Variants in EDEM3 observed in about 807,000 individuals in gnomAD.
EDEM3 encodes the protein ER degradation enhancing alpha-mannosidase like protein 3, also known as ER degradation-enhancing alpha-mannosidase-like protein 3.
Under a neutral mutation model 110.2 loss-of-function variants are expected in EDEM3, and 60 were observed. The ratio of observed to expected loss-of-function variants is 0.54; its 90% CI spans 0.44 to 0.67. EDEM3 has a LOEUF of 0.67. Among genes scored for constraint, EDEM3 ranks in the 30% least tolerant of loss-of-function variants. EDEM3 has a pLI of 0.00. For missense variants in EDEM3, 996 were observed against 1,121.0 expected (o/e 0.89, Z 1.59); for synonymous variants, 352 against 382.9 (o/e 0.92, Z 0.94).
chr1:184,707,278 A>C (rs918285757), intron 17 of EDEM3, among the ~76,000 whole-genome samples: 2 of 152,206 alleles, frequency 1.3e-5, no homozygotes, highest in African/African-American at 4.8e-5. Context: ...GACTTAGTCT[A>C]TATGAATCTG....
In EDEM3 at chr1:184,717,545, A is replaced by G. The variant is rs987167474; in HGVS notation, c.1240T>C (p.Tyr414His). 13 of 1,605,364 alleles carry G rather than the reference A, an allele frequency of 8.1e-6. No individual in the cohort carries two copies. Among genetic ancestry groups the G allele is most frequent in the Middle Eastern group, 3.6e-4 (2 of 5,620 alleles). The change falls in exon 12 of 20, where the codon TAT (tyrosine) becomes CAT (histidine). Residue 414 changes from tyrosine to histidine, a missense_variant. Around this residue, in one of 5 missense-constraint regions of EDEM3, gnomAD observed 310 missense variants for 394.6 expected, o/e 0.79. Coordinates refer to ENST00000318130, the MANE Select transcript of EDEM3 (RefSeq NM_025191.4). ...PEFAESTYFLYKATGDPYYLE... is the reference protein window; with the variant it reads ...PEFAESTYFLHKATGDPYYLE... ...AATGGGGTATATTTTCTTACTTTAT[A>G]TAAGAAGTAGGTACTTTCTGCAAAT...
intron 6 of EDEM3, among the ~76,000 whole-genome samples, chr1:184,729,562 T>C (rs1026779463): frequency 6.6e-6 from 1 of 152,176 alleles, no homozygotes; most frequent in East Asian, 1.9e-4. Context: ...TACAATACCA[T>C]TTCTGTACAG....
intron 19 of EDEM3, among the ~76,000 whole-genome samples, 172 bp downstream of exon 19, chr1:184,702,638 GT>G: frequency 6.6e-6 from 1 of 151,964 alleles, no homozygotes; most frequent in Admixed American, 6.6e-5. Flanking sequence ...CAAAATAAAT[GT>G]TTTATTATTC....
chr1:184,726,328 C>T lies in EDEM3; in HGVS notation c.674G>A (p.Cys225Tyr). 1 of 1,613,892 alleles carries T rather than the reference C, an allele frequency of 6.2e-7. No homozygotes were observed. The highest frequency in any genetic ancestry group is 8.5e-7 in the Non-Finnish European group (1 of 1,179,882). The change falls in exon 7 of 20, where the codon TGT becomes TAT. Residue 225 changes from cysteine (C) to tyrosine (Y), a missense_variant. Around this residue, in one of 5 missense-constraint regions of EDEM3, gnomAD observed 310 missense variants for 394.6 expected, o/e 0.79. Coordinates refer to ENST00000318130, the MANE Select transcript of EDEM3 (RefSeq NM_025191.4). ...GATCAAGGTACCTGCACAAGCTGTA[C>T]AGGTATCTGTCTCAGTTCCTGTCCG... ...EARTGTETDTCTACAGTLILE... is the reference protein window; with the variant it reads ...EARTGTETDTYTACAGTLILE...
At chr1:184,700,952 T>C (rs1204886374) in intron 19 of EDEM3, among the ~76,000 whole-genome samples, 5 of 151,948 alleles carry the variant, frequency 3.3e-5, no homozygotes, top group Non-Finnish European at 7.4e-5. Context: ...TCTATAACAA[T>C]CACAGTTCAA....
chr1:184,700,407 T>C (rs1262369630), intron 19 of EDEM3, among the ~76,000 whole-genome samples: 10 of 152,134 alleles, frequency 6.6e-5, no homozygotes, highest in African/African-American at 2.2e-4. Context: ...TTTAAGGATG[T>C]TGTTACTTAG....
chr1:184,723,883 A>AG (rs1430813607), intron 7 of EDEM3, 27 bp from the exon 8 acceptor site: 34 of 1,489,504 alleles, frequency 2.3e-5, no homozygotes, highest in East Asian at 4.7e-5. Flanking sequence ...AAAAAAAAAA[A>AG]AAGAAGTGCA....
At chr1:184,701,911 A>C (rs1017196861) in intron 19 of EDEM3, among the ~76,000 whole-genome samples, 3 of 152,072 alleles carry the variant, frequency 2.0e-5, no homozygotes, top group African/African-American at 7.2e-5. Context: ...TTTTTTTTTA[A>C]ATGTCCCACT....
rs771505461 is a variant in EDEM3 at position 184,737,593 on chromosome 1, C to T, written c.305+18G>A. The T allele has an allele frequency of 2.5e-6, 4 of 1,611,616 alleles. No individual in the cohort carries two copies. The highest frequency in any genetic ancestry group is 2.7e-5 in the African/African-American group (2 of 74,858). On this transcript the variant is annotated intron_variant, in intron 3 of 19. Transcript: ENST00000318130. The stretch of plus-strand genomic sequence containing the variant: ...GGGAACTCTGAGATGCCATGCCATG[C>T]CCTGTGTTAATACTCACTTTCCCAA...
intron 7 of EDEM3, 66 bp downstream of exon 7, chr1:184,726,189 C>G: frequency 6.6e-7 from 1 of 1,525,546 alleles, no homozygotes; most frequent in African/African-American, 1.4e-5. Context: ...AATATTTAAC[C>G]AATGAAGAAG....
chr1:184,739,304 C>CTT lies in EDEM3; in HGVS notation c.205-1594_205-1593insAA, dbSNP rs201672797. On this transcript the variant is annotated intron_variant, in intron 2 of 19. Coordinates refer to ENST00000318130, the MANE Select transcript of EDEM3 (RefSeq NM_025191.4). ...AAATTCATTTTAATTATTAAAATAA[C>CTT]TATTTTATCATTAAAATAATTAAGA... Among the ~76,000 whole-genome samples the CTT allele has an allele frequency of 2.9e-3, 425 of 146,738 alleles. 5 individuals carry two copies. In the East Asian group the frequency reaches 0.036, roughly 13 times the overall value.
intron 2 of EDEM3, among the ~76,000 whole-genome samples, chr1:184,740,849 G>C (rs969630856): frequency 1.4e-4 from 22 of 152,178 alleles, no homozygotes; most frequent in African/African-American, 5.3e-4. Flanking sequence ...GAAAGTGGTT[G>C]TGACATAAAG....
rs781039239 is a variant in EDEM3, at chr1:184,719,450, C to G, written c.1070G>C (p.Gly357Ala). 1.2e-6 allele frequency: 2 copies of G among 1,612,742 alleles called. No homozygotes were observed. The highest frequency in any genetic ancestry group is 2.2e-5 in the South Asian group (2 of 90,694). The change falls in exon 10 of 20, where the codon GGC (glycine) becomes GCC (alanine). Residue 357 changes from glycine to alanine, a missense_variant. This residue lies in a region of EDEM3 where 310 missense variants were observed against 394.6 expected (regional missense o/e 0.79). Coordinates refer to ENST00000318130, the MANE Select transcript of EDEM3 (RefSeq NM_025191.4). ...AGACAGAATTCTTTATACCTGCAAG[C>G]CTGGGAAGAAGGCAAGCAAAGCATC... is the stretch of plus-strand genomic sequence containing the variant. ...WMDALLAFFP[G>A]LQVLKGDIRP...
In EDEM3 at chr1:184,754,609, A is replaced by G. The variant is rs766765884; in HGVS notation, c.38T>C (p.Val13Ala). The change falls in exon 1 of 20, where the codon GTT becomes GCT. Residue 13 changes from valine (V) to alanine (A), a missense_variant. Around this residue, in one of 5 missense-constraint regions of EDEM3, gnomAD observed 200 missense variants for 183.8 expected, o/e 1.09. Coordinates refer to ENST00000318130, the MANE Select transcript of EDEM3 (RefSeq NM_025191.4). ...EAGGRGCGSP[V>A]PQRARWRLVA... ...TAGTCTCCATCGCGCTCGCTGGGGA[A>G]CCGGGGACCCACAGCCCCGGCCGCC... 6.2e-7 allele frequency: 1 copy of G among 1,606,974 alleles called. No homozygotes were observed. Among genetic ancestry groups the G allele is most frequent in the Admixed American group, 1.7e-5 (1 of 59,088 alleles).
intron 2 of EDEM3, among the ~76,000 whole-genome samples, chr1:184,746,944 C>G (rs1388528347): frequency 2.6e-5 from 4 of 151,864 alleles, no homozygotes; most frequent in Non-Finnish European, 4.4e-5. Flanking sequence ...CTGAAATTCA[C>G]CTTAAACTTG....
rs777627529 is a variant in EDEM3 at position 184,734,572 on chromosome 1, A to C, written c.417T>G (p.Asp139Glu). The change falls in exon 5 of 20, where the codon GAT (aspartate) becomes GAG (glutamate). Residue 139 changes from aspartate to glutamate, a missense_variant. Coordinates refer to ENST00000318130, the MANE Select transcript of EDEM3 (RefSeq NM_025191.4). ...TTGTTTCAAAGACTGATACGACTACATCGTTATCTAAATTAACATCTCTTA... is the reference window on the plus strand; with the variant it reads ...TTGTTTCAAAGACTGATACGACTACCTCGTTATCTAAATTAACATCTCTTA... ...KVLRDVNLDNDVVVSVFETNI... is the reference protein window; with the variant it reads ...KVLRDVNLDNEVVVSVFETNI... 3.2e-6 allele frequency: 5 copies of C among 1,556,452 alleles called. No individual in the cohort carries two copies. The highest frequency in any genetic ancestry group is 1.2e-5 in the South Asian group (1 of 80,786).
chr1:184,754,724 C>T lies in EDEM3; in HGVS notation c.-78G>A. 7.0e-7 allele frequency: 1 copy of T among 1,432,398 alleles called. No individual in the cohort carries two copies. The allele number at this position is 1,432,398 out of a possible 1,614,324, so 88.7% of individuals were successfully genotyped here. ...TTGCTGGACGCTGGTGGCCAGGGGG[C>T]TGCTAGCCGTGCCGAGACGGGGCGG... On this transcript the variant is annotated 5_prime_UTR_variant, in exon 1 of 20. Coordinates refer to ENST00000318130, the MANE Select transcript of EDEM3 (RefSeq NM_025191.4).
chr1:184,730,105 G>T (rs905869539), intron 6 of EDEM3, among the ~76,000 whole-genome samples: 4 of 151,950 alleles, frequency 2.6e-5, no homozygotes, highest in Non-Finnish European at 5.9e-5. Flanking sequence ...ATACAGTAAC[G>T]GTTAAATGAC....
At chr1:184,738,419 A>G (rs1024160223) in intron 2 of EDEM3, among the ~76,000 whole-genome samples, 1 of 152,182 alleles carries the variant, frequency 6.6e-6, no homozygotes, top group South Asian at 2.1e-4. Flanking sequence ...TCCTCAAAGT[A>G]TCCCTTTACT....
Sources: gnomAD v4.1 joint callset for allele counts (sites outside exome capture counted in the v4.1 genomes callset) on GRCh38, gnomAD v4.1.1 for gene constraint, gnomAD v4.1.1 regional missense constraint, MANE v1.5 for transcripts, NCBI Gene and HGNC (gene_info 2026-07-23, HGNC 2026-07-21) for gene names.